EAF2: variants seen among roughly 807,000 people sequenced by gnomAD.
The protein encoded by EAF2 is ELL-associated factor 2.
In EAF2, 29 loss-of-function variants were observed where a neutral mutation model predicts 29.4. That is an observed-to-expected ratio of 0.99 (90% confidence interval 0.73 to 1.35). EAF2 has a LOEUF of 1.35. EAF2 is among the 40% of genes most tolerant of loss of function. The pLI, the probability that EAF2 is intolerant of heterozygous loss-of-function variation, is 0.00. For missense variants in EAF2, 292 were observed against 312.0 expected (o/e 0.94, Z 0.48); for synonymous variants, 103 against 102.5 (o/e 1.00, Z -0.03).
At chr3:121,865,345 G>A (rs1439652929) in intron 4 of EAF2, among the ~76,000 whole-genome samples, 1 of 152,136 alleles carries the variant, frequency 6.6e-6, no homozygotes, top group East Asian at 1.9e-4. Flanking sequence ...GTATGAGAAT[G>A]GAACTTCATT....
At position 121,836,659 on chromosome 3, in the gene EAF2, A is replaced by G. The variant is rs1708296303; in HGVS notation, c.106+1268A>G. The G allele has an allele frequency of 5.1e-6, 5 of 987,690 alleles. No homozygotes were observed. In the South Asian group the frequency reaches 2.3e-4, roughly 46 times the overall value. 61.2% of individuals were successfully genotyped at this position (987,690 alleles called of 1,614,324 possible). On this transcript the variant is annotated intron_variant, in intron 1 of 5. Transcript: ENST00000273668. ...TTCTCATCCAGAGCTCCCCACGATG[A>G]GATGGTGCTGTGCTGGCTCTGCAGT...
chr3:121,841,877 A>ATG (rs1160090513), intron 1 of EAF2, among the ~76,000 whole-genome samples: 4 of 151,584 alleles, frequency 2.6e-5, no homozygotes, highest in Non-Finnish European at 4.4e-5. Flanking sequence ...ATGGTGGTGC[A>ATG]CGCCCGTAAT....
intron 1 of EAF2, among the ~76,000 whole-genome samples, chr3:121,841,531 AAAAAAAAAAAAAG>A (rs1198440714): frequency 0.086 from 2,780 of 32,428 alleles, 116 homozygotes; most frequent in Non-Finnish European, 0.1. Context: ...AAAAAAAAAA[AAAAAAAAAAAAAG>A]AAAGAAAGAA....
intron 4 of EAF2, among the ~76,000 whole-genome samples, chr3:121,861,355 T>C (rs1220208179): frequency 6.6e-6 from 1 of 152,228 alleles, no homozygotes; most frequent in Non-Finnish European, 1.5e-5. Context: ...TGGGTACTCC[T>C]GTACTGGGTG....
intron 5 of EAF2, among the ~76,000 whole-genome samples, chr3:121,877,029 G>A (rs1709110332): frequency 1.3e-5 from 2 of 151,800 alleles, no homozygotes; most frequent in South Asian, 4.2e-4. Context: ...AAAGATGCTA[G>A]CTAAGTAGTA....
chr3:121,844,149 A>G (rs922620413), intron 1 of EAF2, among the ~76,000 whole-genome samples: 2 of 151,958 alleles, frequency 1.3e-5, no homozygotes, highest in Non-Finnish European at 1.5e-5. Context: ...AAACACTGAC[A>G]TTATTTAGTT....
At chr3:121,867,203 A>C (rs1708941081) in intron 4 of EAF2, among the ~76,000 whole-genome samples, 1 of 152,208 alleles carries the variant, frequency 6.6e-6, no homozygotes, top group African/African-American at 2.4e-5. Context: ...GTCTCAAAGA[A>C]GAGGGAGAGC....
Position 121,872,726 on chromosome 3 carries a change from C to A in EAF2, c.674C>A (p.Pro225His). 1 of 1,612,472 alleles carries A rather than the reference C, an allele frequency of 6.2e-7. No individual in the cohort carries two copies. Among genetic ancestry groups the A allele is most frequent in the Non-Finnish European group, 8.5e-7 (1 of 1,179,022 alleles). The change falls in exon 5 of 6, where the codon CCT becomes CAT. Residue 225 changes from proline (P) to histidine (H), a missense_variant. Physicochemically the swap from Pro to His is moderately conservative, Grantham distance 77 (BLOSUM62 -2). Transcript: ENST00000273668. ...CCTACCATGACACAGTACAGGATTC[C>A]TGATATAGATGCCAGTCATAATAGA... ...GHPTMTQYRI[P>H]DIDASHNRFR...
At position 121,851,958 on chromosome 3, in the gene EAF2, G is replaced by A. The variant is rs1022090203; in HGVS notation, c.202-2729G>A. ...AATGGACAGAAACTGAAGCTTAAAA[G>A]TTAGGAATGGTGTTCAATTTAATGA... is the stretch of plus-strand genomic sequence containing the variant. On this transcript the variant is annotated intron_variant, in intron 2 of 5. Transcript: ENST00000273668. 1.1e-4 allele frequency among the ~76,000 whole-genome samples: 17 copies of A among 152,170 alleles called. No homozygotes were observed. The East Asian group carries it at 2.1e-3, about 19-fold the overall frequency.
At chr3:121,865,827 TC>T (rs1370168739) in intron 4 of EAF2, among the ~76,000 whole-genome samples, 3 of 152,086 alleles carry the variant, frequency 2.0e-5, no homozygotes, top group African/African-American at 7.2e-5. Flanking sequence ...GAGGTTCCCT[TC>T]CTCCATCAGA....
intron 2 of EAF2, among the ~76,000 whole-genome samples, chr3:121,847,655 GA>G (rs897962031): frequency 1.3e-5 from 2 of 151,930 alleles, no homozygotes; most frequent in African/African-American, 4.8e-5. Context: ...AGGGGGGGAG[GA>G]AGTATGCAAG....
chr3:121,839,524 A>G (rs928519739), intron 1 of EAF2, among the ~76,000 whole-genome samples: 7 of 152,200 alleles, frequency 4.6e-5, no homozygotes, highest in Non-Finnish European at 7.3e-5. Flanking sequence ...TTAAATATTT[A>G]TCATAAAAAA....
At chr3:121,863,792 G>T (rs1448674905) in intron 4 of EAF2, among the ~76,000 whole-genome samples, 1 of 152,010 alleles carries the variant, frequency 6.6e-6, no homozygotes, top group African/African-American at 2.4e-5. Flanking sequence ...GGTGGGAGCT[G>T]TAGACTGGAG....
intron 4 of EAF2, among the ~76,000 whole-genome samples, chr3:121,864,279 TC>T (rs1466312653): frequency 8.5e-5 from 13 of 152,154 alleles, no homozygotes; most frequent in African/African-American, 2.4e-4. Flanking sequence ...ATTTCAGTGT[TC>T]CCTTCTAAGC....
chr3:121,875,231 T>G (rs915981388), intron 5 of EAF2, among the ~76,000 whole-genome samples: 4 of 151,574 alleles, frequency 2.6e-5, no homozygotes, highest in Non-Finnish European at 5.9e-5. Context: ...TGGGGATAAA[T>G]AATAAAAGGA....
chr3:121,838,861 A>C (rs772944209), intron 1 of EAF2, among the ~76,000 whole-genome samples: 1 of 152,244 alleles, frequency 6.6e-6, no homozygotes, highest in African/African-American at 2.4e-5. Context: ...ATACACATAC[A>C]TACAAGTTAA....
At chr3:121,848,343 A>G (rs935909800) in intron 2 of EAF2, among the ~76,000 whole-genome samples, 19 of 152,202 alleles carry the variant, frequency 1.2e-4, no homozygotes, top group African/African-American at 4.6e-4. Context: ...TGGCTGCACT[A>G]TAGGAGTACA....
chr3:121,836,364 TTTTA>T (rs1708283191), intron 1 of EAF2: 1 of 152,390 alleles, frequency 6.6e-6, no homozygotes, highest in Non-Finnish European at 1.5e-5. Context: ...CCTTTATGGT[TTTTA>T]CTCTGAAATG....
At chr3:121,871,566 G>A (rs1392689610) in intron 4 of EAF2, among the ~76,000 whole-genome samples, 3 of 151,964 alleles carry the variant, frequency 2.0e-5, no homozygotes, top group Admixed American at 6.6e-5. Context: ...CAGCTAGTAC[G>A]AAGAACATAG....
Sources: allele counts gnomAD v4.1 joint callset (sites outside exome capture counted in the v4.1 genomes callset), GRCh38; gene constraint gnomAD v4.1.1; transcripts MANE v1.5; gene names NCBI Gene and HGNC (gene_info 2026-07-23, HGNC 2026-07-21).